The following SYTL2 variants were observed in gnomAD, a reference collection of about 807,000 sequenced individuals.
SYTL2 encodes synaptotagmin-like protein 2.
A neutral mutation model predicts 198.7 loss-of-function variants in SYTL2; 165 were observed. That is an observed-to-expected ratio of 0.83 (90% confidence interval 0.73 to 0.94). The LOEUF is 0.94. Among genes scored for constraint, SYTL2 ranks in the 40% least tolerant of loss-of-function variants. The pLI is 0.00. For synonymous variants in SYTL2, 966 were observed against 917.7 expected (o/e 1.05, Z -0.95); for missense variants, 2,835 against 2,582.8 (o/e 1.10, Z -2.12).
intron 1 of SYTL2, among the ~76,000 whole-genome samples, chr11:85,805,634 A>G (rs554579670): frequency 1.3e-5 from 2 of 152,340 alleles, no homozygotes; most frequent in South Asian, 4.1e-4. Flanking sequence ...TGGCAGCACA[A>G]AACACATCTG....
At chr11:85,767,469 C>A (rs1340793875) in intron 1 of SYTL2, among the ~76,000 whole-genome samples, 1 of 152,096 alleles carries the variant, frequency 6.6e-6, no homozygotes, top group African/African-American at 2.4e-5. Context: ...AGTGGAAGAA[C>A]AAGCTGATTT....
chr11:85,833,729 CTTTT>C, the SYTL2 span, among the ~76,000 whole-genome samples: 4 of 121,134 alleles, frequency 3.3e-5, no homozygotes, highest in African/African-American at 6.1e-5. Context: ...TCGAAGATTT[CTTTT>C]TTTTTTTTTT....
intron 15 of SYTL2, among the ~76,000 whole-genome samples, chr11:85,705,920 A>T (rs2085065142): frequency 1.3e-5 from 2 of 152,200 alleles, no homozygotes; most frequent in Admixed American, 1.3e-4. Flanking sequence ...CAGACCATGG[A>T]TGACTGAGTG....
intron 1 of SYTL2, among the ~76,000 whole-genome samples, chr11:85,762,785 A>G (rs577576611): frequency 1.3e-5 from 2 of 152,294 alleles, no homozygotes; most frequent in South Asian, 4.2e-4. Flanking sequence ...TATGTGCTCA[A>G]TTAGCACCTG....
At chr11:85,757,306 G>A (rs1399020316) in intron 2 of SYTL2, among the ~76,000 whole-genome samples, 3 of 151,898 alleles carry the variant, frequency 2.0e-5, no homozygotes, top group Non-Finnish European at 4.4e-5. Flanking sequence ...TTTTTTAAGT[G>A]GATAGAAATA....
intron 1 of SYTL2, among the ~76,000 whole-genome samples, chr11:85,766,568 G>C (rs2092244758): frequency 6.6e-6 from 1 of 152,182 alleles, no homozygotes; most frequent in African/African-American, 2.4e-5. Context: ...AGCACCAAGA[G>C]GCTTGCCTAA....
At chr11:85,777,030 T>C (rs187199615) in intron 1 of SYTL2, among the ~76,000 whole-genome samples, 1 of 152,322 alleles carries the variant, frequency 6.6e-6, no homozygotes, top group East Asian at 1.9e-4. Flanking sequence ...GCCAACTCAC[T>C]GAATTCAATG....
At chr11:85,715,125 T>C (rs935594084) in intron 11 of SYTL2, 8 of 152,212 alleles carry the variant, frequency 5.3e-5, no homozygotes, top group African/African-American at 1.9e-4. Context: ...AAGGCAAAGT[T>C]AGAATGGTTA....
At chr11:85,801,338 T>G (rs1386437912) in intron 1 of SYTL2, among the ~76,000 whole-genome samples, 1 of 152,210 alleles carries the variant, frequency 6.6e-6, no homozygotes, top group African/African-American at 2.4e-5. Flanking sequence ...ACACACCTGG[T>G]CCTTTGTTGA....
chr11:85,813,924 T>C (rs972492915), upstream of SYTL2, among the ~76,000 whole-genome samples: 1 of 152,162 alleles, frequency 6.6e-6, no homozygotes, highest in Non-Finnish European at 1.5e-5. Flanking sequence ...GGTTTCGCAA[T>C]GTTGACCTCT....
At chr11:85,728,005 C>G in intron 7 of SYTL2, 38 bp from the exon 8 acceptor site, 1 of 1,504,800 alleles carries the variant, frequency 6.6e-7, no homozygotes, top group South Asian at 1.3e-5. Flanking sequence ...AAGAAAAGAG[C>G]ATGCTTAAAG....
chr11:85,736,555 T>C lies in SYTL2; in HGVS notation c.532A>G (p.Lys178Glu). 1.2e-6 allele frequency: 2 copies of C among 1,608,846 alleles called. No homozygotes were observed. ...CTTCCATTTTTTGACTGTTCATTTTTAGTTTGTTGTGATGAGTGACCTTCT... is the reference window on the plus strand; with the variant it reads ...CTTCCATTTTTTGACTGTTCATTTTCAGTTTGTTGTGATGAGTGACCTTCT... ...LPEGHSSQQT[K>E]NEQSKNGRTG... is the part of the protein sequence containing the mutation. Residue 178 changes from lysine to glutamate, a missense_variant, in exon 6 of 20, where the codon AAA becomes GAA. Lys to Glu is a moderately conservative substitution (Grantham distance 56). Coordinates refer to ENST00000359152, the MANE Select transcript of SYTL2 (RefSeq NM_206927.4).
rs574541096 is a variant in SYTL2 at position 85,725,389 on chromosome 11, A to G, written c.3969T>C (p.Asp1323=). The G allele has an allele frequency of 1.2e-6, 2 of 1,614,078 alleles. No individual in the cohort carries two copies. Among genetic ancestry groups the G allele is most frequent in the East Asian group, 2.2e-5 (1 of 44,882 alleles). Reference sequence around the variant, plus strand: ...GCATATCTTGGGGAGGGCTGGCCACATCCCCAAAAGAACCCTTTCTGGAAA... The same window carrying G: ...GCATATCTTGGGGAGGGCTGGCCACGTCCCCAAAAGAACCCTTTCTGGAAA... ...SQLSRKGSFG[D]VASPPQDMLF... Residue 1323 remains aspartate (D), a synonymous_variant, in exon 8 of 20, where the codon GAT becomes GAC. Transcript: ENST00000359152.
Position 85,724,326 on chromosome 11 carries a change from T to A in SYTL2, c.5032A>T (p.Thr1678Ser), listed in dbSNP as rs1357918617. Reference sequence around the variant, plus strand: ...TCCCTGTCCTCTGGGGGGGTTACAGTTTTAATGGTCCCTATTTCATGAGCC... The same window carrying A: ...TCCCTGTCCTCTGGGGGGGTTACAGATTTAATGGTCCCTATTTCATGAGCC... ...YVAHEIGTIK[T>S]VTPPEDRDSE... The change falls in exon 8 of 20, where the codon ACT becomes TCT. Residue 1678 changes from threonine to serine, a missense_variant. Physicochemically the swap from Thr to Ser is moderately conservative, Grantham distance 58. Around this residue, in one of 3 missense-constraint regions of SYTL2, gnomAD observed 2,645 missense variants for 2,381.7 expected, o/e 1.11. Transcript: ENST00000359152. 25 of 1,581,592 alleles carry A rather than the reference T, an allele frequency of 1.6e-5. No homozygotes were observed. The highest frequency in any genetic ancestry group is 2.0e-5 in the Non-Finnish European group (23 of 1,166,742).
chr11:85,720,748 C>T (rs543561857), intron 9 of SYTL2, 110 bp downstream of exon 9: 143 of 689,208 alleles, frequency 2.1e-4, no homozygotes, highest in Non-Finnish European at 3.3e-4. Flanking sequence ...TGTTAACTGC[C>T]CCCATTAGAG....
rs1218495422 is a variant in SYTL2 at position 85,697,973 on chromosome 11, T to C, written c.6368+6A>G. The C allele has an allele frequency of 1.3e-6, 2 of 1,593,006 alleles. No individual in the cohort carries two copies. The highest frequency in any genetic ancestry group is 1.7e-5 in the Admixed American group (1 of 59,980). On this transcript the variant is annotated splice_donor_region_variant and intron_variant, in intron 18 of 19. Coordinates refer to ENST00000359152, the MANE Select transcript of SYTL2 (RefSeq NM_206927.4). ...CTGTTGCAGACAGAGTCATCAATAC[T>C]ATTACCATTTAACAAAAGAATTTAG...
chr11:85,817,902 C>T, the SYTL2 span, among the ~76,000 whole-genome samples: 19,635 of 109,508 alleles, frequency 0.18, 1,709 homozygotes, highest in Middle Eastern at 0.25. Context: ...TGTGTCTTTT[C>T]TTTTTTTTTT....
chr11:85,737,710 A>G, intron 4 of SYTL2, 54 bp from the exon 5 acceptor site: 3 of 1,456,974 alleles, frequency 2.1e-6, no homozygotes, highest in Non-Finnish European at 2.9e-6. Flanking sequence ...GAGGAATCAT[A>G]AATTATGCCT....
intron 11 of SYTL2, chr11:85,714,771 C>G: frequency 1.1e-6 from 1 of 886,416 alleles, no homozygotes. Context: ...TGAACTGGAG[C>G]TGCACTTGAA....
Sources: gnomAD v4.1 joint callset for allele counts (sites outside exome capture counted in the v4.1 genomes callset) on GRCh38, gnomAD v4.1.1 for gene constraint, gnomAD v4.1.1 regional missense constraint, MANE v1.5 for transcripts, NCBI Gene and HGNC (gene_info 2026-07-23, HGNC 2026-07-21) for gene names.